DENND1A: variants seen among roughly 807,000 people sequenced by gnomAD.
DENND1A encodes DENN domain-containing protein 1A.
In DENND1A, 51 loss-of-function variants were observed where a neutral mutation model predicts 113.7. That is an observed-to-expected ratio of 0.45 (90% confidence interval 0.36 to 0.57). DENND1A has a LOEUF of 0.57. Among genes scored for constraint, DENND1A ranks in the 20% least tolerant of loss-of-function variants. The pLI is 0.00. For synonymous variants in DENND1A, 565 were observed against 570.8 expected, an observed-to-expected ratio of 0.99 and a Z score of 0.14; for missense variants, 1,258 against 1,395.9, an observed-to-expected ratio of 0.90 and a Z score of 1.57.
Position 123,929,966 on chromosome 9 carries a change from C to T in DENND1A, c.-61G>A. The T allele has an allele frequency of 3.4e-6, 1 of 296,222 alleles. No individual in the cohort carries two copies. The highest frequency in any genetic ancestry group is 6.1e-6 in the Non-Finnish European group (1 of 163,738). The allele number at this position is 296,222 out of a possible 1,614,324, so 18.3% of individuals were successfully genotyped here. On this transcript the variant is annotated 5_prime_UTR_variant, in exon 1 of 24. Coordinates refer to ENST00000394215, the MANE Select transcript of DENND1A (RefSeq NM_001352964.2). The stretch of plus-strand genomic sequence containing the variant: ...CTCGGCGCTGCGCTGCCCGCCCGCC[C>T]GCGGCCGACCGGCCTCCCTCTGGCG...
At chr9:123,778,620 T>C (rs1385881695) in intron 3 of DENND1A, among the ~76,000 whole-genome samples, 1 of 152,210 alleles carries the variant, frequency 6.6e-6, no homozygotes, top group East Asian at 1.9e-4. Flanking sequence ...GGGCCACTTA[T>C]GGTCTCTGTC....
intron 2 of DENND1A, among the ~76,000 whole-genome samples, chr9:123,793,052 G>C (rs1020767826): frequency 6.6e-5 from 10 of 152,136 alleles, no homozygotes; most frequent in Admixed American, 2.6e-4. Context: ...GGGGGAGTGA[G>C]AGAATTCTTT....
intron 13 of DENND1A, 98 bp from the exon 14 acceptor site, chr9:123,457,995 T>G: frequency 2.2e-6 from 2 of 929,122 alleles, no homozygotes; most frequent in Middle Eastern, 2.4e-4. Flanking sequence ...TGCTATTTTT[T>G]TTCTTTTCCT....
At chr9:123,747,648 C>A (rs530339980) in intron 5 of DENND1A, among the ~76,000 whole-genome samples, 6 of 152,140 alleles carry the variant, frequency 3.9e-5, no homozygotes, top group Middle Eastern at 3.4e-3. Flanking sequence ...CATAAGTTTA[C>A]GTAAAGTTTT....
intron 10 of DENND1A, among the ~76,000 whole-genome samples, chr9:123,615,311 C>T (rs1334382180): frequency 6.6e-6 from 1 of 152,232 alleles, no homozygotes; most frequent in Non-Finnish European, 1.5e-5. Context: ...TCTGACGTCA[C>T]ACAGCTAGTA....
At chr9:123,570,688 T>C (rs1288644151) in intron 12 of DENND1A, among the ~76,000 whole-genome samples, 1 of 152,144 alleles carries the variant, frequency 6.6e-6, no homozygotes, top group African/African-American at 2.4e-5. Flanking sequence ...GCTGAATGAA[T>C]AAACACTCTA....
At chr9:123,414,292 T>C in intron 19 of DENND1A, 1 of 1,376,320 alleles carries the variant, frequency 7.3e-7, no homozygotes, top group Non-Finnish European at 9.4e-7. Context: ...CTTTGCACAG[T>C]GCCACCAACA....
At chr9:123,570,022 A>G (rs1389540366) in intron 12 of DENND1A, among the ~76,000 whole-genome samples, 1 of 151,952 alleles carries the variant, frequency 6.6e-6, no homozygotes, top group Non-Finnish European at 1.5e-5. Context: ...CCTCCCAACC[A>G]CACACCCTAT....
chr9:123,898,881 T>C (rs1034091964), intron 1 of DENND1A, among the ~76,000 whole-genome samples: 3 of 152,144 alleles, frequency 2.0e-5, no homozygotes, highest in Non-Finnish European at 1.5e-5. Context: ...ATTCCTAGAT[T>C]TCTGCTTTAG....
chr9:123,583,876 G>C (rs1217691303), intron 11 of DENND1A, among the ~76,000 whole-genome samples: 1 of 152,188 alleles, frequency 6.6e-6, no homozygotes, highest in African/African-American at 2.4e-5. Flanking sequence ...TACTGGCACA[G>C]TAATAGAAAA....
At chr9:123,515,794 T>G (rs781687818) in intron 13 of DENND1A, among the ~76,000 whole-genome samples, 9 of 152,084 alleles carry the variant, frequency 5.9e-5, no homozygotes, top group Non-Finnish European at 1.3e-4. Context: ...AACAGCACTT[T>G]GGGAGGCTGA....
intron 5 of DENND1A, among the ~76,000 whole-genome samples, chr9:123,723,691 C>A (rs2067499771): frequency 6.6e-6 from 1 of 152,140 alleles, no homozygotes; most frequent in East Asian, 1.9e-4. Context: ...GTGATTTGCT[C>A]CCCCTTGCCT....
rs776888098 is a variant in DENND1A, at chr9:123,402,564, T to C, written c.1631+838A>G. 4 of 534,722 alleles carry C rather than the reference T, an allele frequency of 7.5e-6. No homozygotes were observed. The East Asian group carries it at 1.6e-4, about 22-fold the overall frequency. 33.1% of individuals were successfully genotyped at this position (534,722 alleles called of 1,614,324 possible). On this transcript the variant is annotated intron_variant, in intron 21 of 23. Coordinates refer to ENST00000394215, the MANE Select transcript of DENND1A (RefSeq NM_001352964.2). ...TTCAGGATCCCTGGGGTAGTTTTTC[T>C]GACTCCTCCAACAATCCTAGACCAA...
intron 2 of DENND1A, among the ~76,000 whole-genome samples, chr9:123,801,168 C>T (rs961541613): frequency 6.6e-6 from 1 of 152,216 alleles, no homozygotes; most frequent in African/African-American, 2.4e-5. Context: ...GTAAAATATA[C>T]ATACAATTTA....
chr9:123,589,799 C>A (rs999029382), intron 11 of DENND1A, among the ~76,000 whole-genome samples: 1 of 152,142 alleles, frequency 6.6e-6, no homozygotes, highest in African/African-American at 2.4e-5. Flanking sequence ...CACAGACAGT[C>A]TGAACTTGAC....
At chr9:123,870,978 GAATTT>G (rs1303304270) in intron 2 of DENND1A, among the ~76,000 whole-genome samples, 3 of 151,932 alleles carry the variant, frequency 2.0e-5, no homozygotes, top group Non-Finnish European at 2.9e-5. Context: ...AAAATAAGAT[GAATTT>G]AATTAATATC....
chr9:123,442,387 G>A (rs1293019340), intron 18 of DENND1A, among the ~76,000 whole-genome samples: 1 of 152,130 alleles, frequency 6.6e-6, no homozygotes, highest in Admixed American at 6.6e-5. Flanking sequence ...TTTTGGAAAG[G>A]GGCTGTCCAA....
At position 123,792,579 on chromosome 9, in the gene DENND1A, T is replaced by C. The variant is rs1833150745; in HGVS notation, c.132+8A>G. On this transcript the variant is annotated splice_region_variant and intron_variant, in intron 3 of 23. Coordinates refer to ENST00000394215, the MANE Select transcript of DENND1A (RefSeq NM_001352964.2). ...TGTCATGTAAAAAATTAATTACGCATTCCGAACCTGGTCACTGTAGTCCTC... is the reference window on the plus strand; with the variant it reads ...TGTCATGTAAAAAATTAATTACGCACTCCGAACCTGGTCACTGTAGTCCTC... The C allele has an allele frequency of 6.2e-7, 1 of 1,612,178 alleles. No homozygotes were observed. The highest frequency in any genetic ancestry group is 8.5e-7 in the Non-Finnish European group (1 of 1,179,000).
At chr9:123,546,187 C>T (rs72757116) in intron 13 of DENND1A, among the ~76,000 whole-genome samples, 4,410 of 152,178 alleles carry the variant, frequency 0.029, 83 homozygotes, top group Non-Finnish European at 0.045. Flanking sequence ...TTTACACATT[C>T]GTGATGTGGT....
Sources: allele counts gnomAD v4.1 joint callset (sites outside exome capture counted in the v4.1 genomes callset), GRCh38; gene constraint gnomAD v4.1.1; transcripts MANE v1.5; gene names NCBI Gene and HGNC (gene_info 2026-07-23, HGNC 2026-07-21).